The following TMEM207 variants were observed in gnomAD, a reference collection of about 807,000 sequenced individuals.
TMEM207 encodes SRSR846.
In TMEM207, 15 loss-of-function variants were observed where a neutral mutation model predicts 17.4. That is an observed-to-expected ratio of 0.86 (90% CI 0.58 to 1.33). The LOEUF is 1.33. TMEM207 is among the 40% of genes most tolerant of loss of function. The pLI is 0.00. For missense variants in TMEM207, 205 were observed against 173.8 expected (o/e 1.18, Z -1.01); for synonymous variants, 70 against 65.6 (o/e 1.07, Z -0.33).
rs764190288 is a variant in TMEM207 at position 190,429,551 on chromosome 3, T to G, written c.*44A>C. 1.1e-5 allele frequency: 18 copies of G among 1,605,868 alleles called. No individual in the cohort carries two copies. In the South Asian group the frequency reaches 1.9e-4, roughly 17 times the overall value. On this transcript the variant is annotated 3_prime_UTR_variant, in exon 5 of 5. Transcript: ENST00000354905. ...ATTCCTAAATTTGATGTTTTGGAAT[T>G]ACAGATGTCGTTAATACTTTAAATT...
Position 190,440,289 on chromosome 3 carries a change from G to C in TMEM207, c.259C>G (p.Arg87Gly). 1 of 1,614,076 alleles carries C rather than the reference G, an allele frequency of 6.2e-7. No individual in the cohort carries two copies. The highest frequency in any genetic ancestry group is 8.5e-7 in the Non-Finnish European group (1 of 1,180,006). ...LRRPRIDSHRRTMAVFAVGDL... is the reference protein window; with the variant it reads ...LRRPRIDSHRGTMAVFAVGDL... Reference sequence around the variant, plus strand: ...CCAACAGCAAAAACTGCCATGGTGCGCCTGTGAGAATCAATTCGGGGTCTC... The same window carrying C: ...CCAACAGCAAAAACTGCCATGGTGCCCCTGTGAGAATCAATTCGGGGTCTC... Residue 87 changes from arginine to glycine, a missense_variant, in exon 4 of 5, where the codon CGC becomes GGC. By Grantham distance (125) the Arg-to-Gly change is moderately radical. Coordinates refer to ENST00000354905, the MANE Select transcript of TMEM207 (RefSeq NM_207316.3).
chr3:190,444,941 A>C (rs1720012617), intron 2 of TMEM207, among the ~76,000 whole-genome samples: 1 of 152,240 alleles, frequency 6.6e-6, no homozygotes, highest in Admixed American at 6.5e-5. Flanking sequence ...GATGAGTCAC[A>C]AATCATATTA....
intron 1 of TMEM207, among the ~76,000 whole-genome samples, chr3:190,448,575 C>A (rs965957457): frequency 6.6e-6 from 1 of 152,252 alleles, no homozygotes; most frequent in Admixed American, 6.5e-5. Context: ...CCCTTTGAAC[C>A]AGGACTCCTT....
Position 190,441,351 on chromosome 3 carries a change from T to C in TMEM207, c.158+87A>G, listed in dbSNP as rs1719932751. ...ACCCCTAATCTTTCCTTAAGCTGTATGATTTCATGTACCATCTCAAATTAT... is the reference window on the plus strand; with the variant it reads ...ACCCCTAATCTTTCCTTAAGCTGTACGATTTCATGTACCATCTCAAATTAT... On this transcript the variant is annotated intron_variant, in intron 3 of 4. Transcript: ENST00000354905. 6 of 1,074,738 alleles carry C rather than the reference T, an allele frequency of 5.6e-6. No individual in the cohort carries two copies. The South Asian group carries it at 8.0e-5, about 14-fold the overall frequency. The allele number at this position is 1,074,738 out of a possible 1,614,324, so 66.6% of individuals were successfully genotyped here.
At chr3:190,436,167 ATAAT>A (rs779818550) in intron 4 of TMEM207, among the ~76,000 whole-genome samples, 17 of 152,346 alleles carry the variant, frequency 1.1e-4, no homozygotes, top group Middle Eastern at 3.4e-3. Context: ...ATAAATGGTG[ATAAT>A]TAAGTAAAAT....
chr3:190,441,242 A>G (rs1483579381), intron 3 of TMEM207, among the ~76,000 whole-genome samples, 196 bp downstream of exon 3: 2 of 152,210 alleles, frequency 1.3e-5, no homozygotes, highest in African/African-American at 4.8e-5. Flanking sequence ...ATTTTTTAAA[A>G]TAGTGAGTCC....
rs1349200120 is a variant in TMEM207 at position 190,440,284 on chromosome 3, G to C, written c.264C>G (p.Thr88=). Residue 88 remains threonine (T), a synonymous_variant, in exon 4 of 5, where the codon ACC becomes ACG. Coordinates refer to ENST00000354905, the MANE Select transcript of TMEM207 (RefSeq NM_207316.3). ...RRPRIDSHRR[T]MAVFAVGDLD... ...AGTCTCCAACAGCAAAAACTGCCAT[G>C]GTGCGCCTGTGAGAATCAATTCGGG... 4 of 1,614,016 alleles carry C rather than the reference G, an allele frequency of 2.5e-6. No homozygotes were observed. Among genetic ancestry groups the C allele is most frequent in the Non-Finnish European group, 3.4e-6 (4 of 1,179,974 alleles).
intron 4 of TMEM207, among the ~76,000 whole-genome samples, chr3:190,431,907 A>G (rs552207697): frequency 4.7e-4 from 72 of 152,334 alleles, no homozygotes; most frequent in African/African-American, 1.7e-3. Context: ...GGCATTTGGT[A>G]AACATAATTA....
At chr3:190,435,226 G>C (rs1382115051) in intron 4 of TMEM207, among the ~76,000 whole-genome samples, 2 of 152,134 alleles carry the variant, frequency 1.3e-5, no homozygotes. Context: ...CACGACCAAG[G>C]TTTCGGCAGG....
chr3:190,434,838 G>T (rs1056302507), intron 4 of TMEM207, among the ~76,000 whole-genome samples: 1 of 152,190 alleles, frequency 6.6e-6, no homozygotes, highest in Non-Finnish European at 1.5e-5. Context: ...GTGAAGTTCA[G>T]GGGAACATAG....
chr3:190,438,602 T>C (rs541994381), intron 4 of TMEM207, among the ~76,000 whole-genome samples: 1 of 152,232 alleles, frequency 6.6e-6, no homozygotes, highest in Admixed American at 6.5e-5. Flanking sequence ...CTTTTAAGAT[T>C]CAAGATAGTC....
chr3:190,443,992 T>A (rs1719991897), intron 2 of TMEM207, among the ~76,000 whole-genome samples: 1 of 152,230 alleles, frequency 6.6e-6, no homozygotes, highest in African/African-American at 2.4e-5. Context: ...GTCATGGAGA[T>A]GATTTCTGTG....
At chr3:190,447,310 A>G (rs536803677) in intron 2 of TMEM207, among the ~76,000 whole-genome samples, 1 of 152,318 alleles carries the variant, frequency 6.6e-6, no homozygotes, top group South Asian at 2.1e-4. Context: ...TCGCACAAAA[A>G]GTGAAAAAAT....
intron 1 of TMEM207, 42 bp downstream of exon 1, chr3:190,449,693 G>A: frequency 1.3e-6 from 2 of 1,591,592 alleles, no homozygotes; most frequent in South Asian, 2.2e-5. Flanking sequence ...GAGTACCTCA[G>A]AGTACCTCTG....
chr3:190,448,504 C>T (rs1277919888), intron 1 of TMEM207, among the ~76,000 whole-genome samples: 3 of 152,094 alleles, frequency 2.0e-5, no homozygotes, highest in Non-Finnish European at 2.9e-5. Context: ...ATCTCATATA[C>T]TAAATCACAA....
Position 190,449,827 on chromosome 3 carries a change from CT to C in TMEM207, c.-19del. The C allele has an allele frequency of 6.2e-7, 1 of 1,611,420 alleles. No homozygotes were observed. ...CTTGACATATTTAAAGGACAGTCAA[CT>C]TAGGATAGTGGTTTGGTGCCTGTGT... On this transcript the variant is annotated 5_prime_UTR_variant, in exon 1 of 5. Coordinates refer to ENST00000354905, the MANE Select transcript of TMEM207 (RefSeq NM_207316.3).
Position 190,437,792 on chromosome 3 carries a change from T to A in TMEM207, c.304+2452A>T, listed in dbSNP as rs572164151. 4.6e-5 allele frequency among the ~76,000 whole-genome samples: 7 copies of A among 151,940 alleles called. 1 individual carries two copies. The highest frequency in any genetic ancestry group is 1.7e-4 in the African/African-American group (7 of 41,404). On this transcript the variant is annotated intron_variant, in intron 4 of 4. Coordinates refer to ENST00000354905, the MANE Select transcript of TMEM207 (RefSeq NM_207316.3). ...TAAATCATGCTGCTATAAAGACACATGCACACGTATGTTTATTGCGGCACT... is the reference window on the plus strand; with the variant it reads ...TAAATCATGCTGCTATAAAGACACAAGCACACGTATGTTTATTGCGGCACT...
chr3:190,429,572 A>T lies in TMEM207; in HGVS notation c.*23T>A. On this transcript the variant is annotated 3_prime_UTR_variant, in exon 5 of 5. Coordinates refer to ENST00000354905, the MANE Select transcript of TMEM207 (RefSeq NM_207316.3). Reference sequence around the variant, plus strand: ...GAATTACAGATGTCGTTAATACTTTAAATTGATAATCCACACCTAAAATCA... The same window carrying T: ...GAATTACAGATGTCGTTAATACTTTTAATTGATAATCCACACCTAAAATCA... 2 of 1,612,492 alleles carry T rather than the reference A, an allele frequency of 1.2e-6. No individual in the cohort carries two copies. Among genetic ancestry groups the T allele is most frequent in the Non-Finnish European group, 8.5e-7 (1 of 1,179,164 alleles).
At chr3:190,445,971 C>T (rs1720036879) in intron 2 of TMEM207, among the ~76,000 whole-genome samples, 1 of 152,206 alleles carries the variant, frequency 6.6e-6, no homozygotes, top group Non-Finnish European at 1.5e-5. Flanking sequence ...CCTAGGCGAT[C>T]CATGTTTCAT....
Sources: gnomAD v4.1 joint callset for allele counts (sites outside exome capture counted in the v4.1 genomes callset) on GRCh38, gnomAD v4.1.1 for gene constraint, MANE v1.5 for transcripts, NCBI Gene and HGNC (gene_info 2026-07-23, HGNC 2026-07-21) for gene names.